The following HECW1 variants were observed in gnomAD, a reference collection of about 807,000 sequenced individuals.
HECW1 encodes E3 ubiquitin-protein ligase HECW1.
HECW1 carries 61 observed loss-of-function variants against 182.3 expected under a neutral mutation model. That is an observed-to-expected ratio of 0.33 (90% CI 0.27 to 0.41). HECW1 has a LOEUF of 0.41. Among genes scored for constraint, HECW1 ranks in the 10% least tolerant of loss-of-function variants. The probability of loss-of-function intolerance (pLI) is 1.00; values close to 1 mark genes in which losing one functional copy is unlikely to be tolerated. For synonymous variants in HECW1, 859 were observed against 832.6 expected (o/e 1.03, Z -0.55); for missense variants, 1,739 against 2,108.9 (o/e 0.82, Z 3.44).
intron 17 of HECW1, among the ~76,000 whole-genome samples, chr7:43,483,008 A>T (rs1285907233): frequency 1.3e-5 from 2 of 152,234 alleles, no homozygotes; most frequent in Non-Finnish European, 1.5e-5. Flanking sequence ...TACAGAGCAC[A>T]GCCTAAGCAA....
At chr7:43,493,213 G>A in intron 19 of HECW1, 33 bp downstream of exon 19, 1 of 1,431,068 alleles carries the variant, frequency 7.0e-7, no homozygotes, top group African/African-American at 1.4e-5. Flanking sequence ...TGGAACTCTA[G>A]GTCTTTCCAG....
chr7:43,550,565 G>A lies in HECW1; in HGVS notation c.4369G>A (p.Glu1457Lys), dbSNP rs779199336. 2.5e-6 allele frequency: 4 copies of A among 1,608,600 alleles called. No individual in the cohort carries two copies. The Admixed American group carries it at 5.1e-5, about 20-fold the overall frequency. ...GGAGCGCGGCGTGGTACAGCAGACC[G>A]AGGCGCTGGTGCGCGGCTTCTACGA... is the stretch of plus-strand genomic sequence containing the variant. ...RVERGVVQQT[E>K]ALVRGFYEVV... Residue 1457 changes from glutamate (E) to lysine (K), a missense_variant, in exon 27 of 30, where the codon GAG (glutamate) becomes AAG (lysine). Physicochemically the swap from Glu to Lys is moderately conservative, Grantham distance 56 (BLOSUM62 1). This residue lies in a region of HECW1 where 420 missense variants were observed against 595.7 expected (regional missense o/e 0.71). Coordinates refer to ENST00000395891, the MANE Select transcript of HECW1 (RefSeq NM_015052.5).
At chr7:43,232,284 C>A (rs1044137893) in intron 2 of HECW1, among the ~76,000 whole-genome samples, 2 of 152,124 alleles carry the variant, frequency 1.3e-5, no homozygotes, top group African/African-American at 4.8e-5. Context: ...ACTATAAGAA[C>A]CCTCCTTCAA....
At position 43,444,215 on chromosome 7, in the gene HECW1, C is replaced by A. The variant is rs1458771156; in HGVS notation, c.1046-3C>A. On this transcript the variant is annotated splice_polypyrimidine_tract_variant and splice_region_variant and intron_variant, in intron 10 of 29. Transcript: ENST00000395891. The surrounding 1 kb of genome is among the most constrained non-coding windows in gnomAD (Gnocchi z 4.3). The stretch of plus-strand genomic sequence containing the variant: ...AATGACATATTTTTCTTCTTACCAG[C>A]AGATGATGAGGAGATTTCCCTGAGT... 1.3e-6 allele frequency: 2 copies of A among 1,595,622 alleles called. No individual in the cohort carries two copies. Among genetic ancestry groups the A allele is most frequent in the South Asian group, 1.1e-5 (1 of 89,560 alleles).
chr7:43,149,755 C>G (rs1789097272), intron 2 of HECW1, among the ~76,000 whole-genome samples: 1 of 152,010 alleles, frequency 6.6e-6, no homozygotes, highest in Non-Finnish European at 1.5e-5. Context: ...ATATATTCTT[C>G]AAAATTTTTT....
chr7:43,295,799 C>A (rs187353109), intron 3 of HECW1, among the ~76,000 whole-genome samples: 1 of 152,176 alleles, frequency 6.6e-6, no homozygotes, highest in Non-Finnish European at 1.5e-5. Flanking sequence ...GGAGCTTTTT[C>A]ATTGTAAGCC....
At chr7:43,227,584 G>A (rs1439619014) in intron 2 of HECW1, among the ~76,000 whole-genome samples, 2 of 151,990 alleles carry the variant, frequency 1.3e-5, no homozygotes, top group Admixed American at 1.3e-4. Flanking sequence ...TACATTTTAT[G>A]TTAATTCATA....
At chr7:43,212,546 T>C (rs556175695) in intron 2 of HECW1, among the ~76,000 whole-genome samples, 14 of 152,154 alleles carry the variant, frequency 9.2e-5, no homozygotes, top group African/African-American at 3.1e-4. Context: ...TGCACACAAT[T>C]ACAGAAGGGA....
At chr7:43,341,543 A>T (rs1018488442) in intron 5 of HECW1, among the ~76,000 whole-genome samples, 14 of 151,774 alleles carry the variant, frequency 9.2e-5, no homozygotes, top group African/African-American at 3.4e-4. Flanking sequence ...TTTTTCATTC[A>T]CATAACCAGA....
chr7:43,190,258 C>T (rs1409312259), intron 2 of HECW1, among the ~76,000 whole-genome samples: 4 of 152,112 alleles, frequency 2.6e-5, no homozygotes, highest in African/African-American at 4.8e-5. Flanking sequence ...GGATTACAGG[C>T]GTGTACCACC....
intron 2 of HECW1, among the ~76,000 whole-genome samples, chr7:43,179,528 T>C (rs1328009304): frequency 6.6e-6 from 1 of 151,250 alleles, no homozygotes; most frequent in Non-Finnish European, 1.5e-5. Context: ...CCATTGGTTA[T>C]TTGGGAGAAT....
intron 2 of HECW1, among the ~76,000 whole-genome samples, chr7:43,115,403 A>C (rs1391993846): frequency 2.7e-5 from 4 of 149,112 alleles, no homozygotes; most frequent in African/African-American, 7.5e-5. Flanking sequence ...CCTTTTGTGG[A>C]GTTATTCATT....
intron 19 of HECW1, among the ~76,000 whole-genome samples, chr7:43,495,991 T>G (rs2079107092): frequency 6.6e-6 from 1 of 152,134 alleles, no homozygotes; most frequent in Admixed American, 6.6e-5. Flanking sequence ...AAAGGTTTTT[T>G]TTTAAGTAAT....
chr7:43,442,564 T>C lies in HECW1; in HGVS notation c.980T>C (p.Leu327Pro). 6.2e-7 allele frequency: 1 copy of C among 1,613,998 alleles called. No homozygotes were observed. The highest frequency in any genetic ancestry group is 8.5e-7 in the Non-Finnish European group (1 of 1,179,908). ...RVVSYTLGRR[L>P]PTDHVSGQLQ... ...GTCAGCTACACACTTGGCCGCAGGC[T>C]TCCAACAGATCATGTGAGTGGACAG... Residue 327 changes from leucine to proline, a missense_variant, in exon 10 of 30, where the codon CTT becomes CCT. Leu to Pro is a moderately conservative substitution (Grantham distance 98). Coordinates refer to ENST00000395891, the MANE Select transcript of HECW1 (RefSeq NM_015052.5).
At chr7:43,377,003 T>G (rs1458729015) in intron 6 of HECW1, among the ~76,000 whole-genome samples, 1 of 152,106 alleles carries the variant, frequency 6.6e-6, no homozygotes, top group African/African-American at 2.4e-5. Context: ...AAAAATAAAT[T>G]CTTACTTCCC....
At chr7:43,451,438 A>G (rs2077232475) in intron 12 of HECW1, among the ~76,000 whole-genome samples, 1 of 152,160 alleles carries the variant, frequency 6.6e-6, no homozygotes, top group African/African-American at 2.4e-5. Flanking sequence ...TGCAGTTCTT[A>G]GGGGTTGCCA....
intron 8 of HECW1, among the ~76,000 whole-genome samples, chr7:43,429,326 A>G (rs2076466961): frequency 1.6e-5 from 2 of 124,704 alleles, no homozygotes; most frequent in Admixed American, 8.2e-5. Context: ...ATATATATAT[A>G]TATATATATA....
chr7:43,467,337 G>T (rs2077821098), intron 15 of HECW1, among the ~76,000 whole-genome samples: 1 of 152,134 alleles, frequency 6.6e-6, no homozygotes, highest in East Asian at 1.9e-4. Flanking sequence ...AAAGTGGACA[G>T]GAAGAAGTCC....
At chr7:43,166,910 G>T (rs948028530) in intron 2 of HECW1, among the ~76,000 whole-genome samples, 1 of 152,198 alleles carries the variant, frequency 6.6e-6, no homozygotes, top group Non-Finnish European at 1.5e-5. Flanking sequence ...AACTGTGGCC[G>T]CATGTGGATG....
Sources: gnomAD v4.1 joint callset for allele counts (sites outside exome capture counted in the v4.1 genomes callset) on GRCh38, gnomAD v4.1.1 for gene constraint, gnomAD v4.1.1 regional missense constraint, Gnocchi (gnomAD v3.1) non-coding constraint, MANE v1.5 for transcripts, NCBI Gene and HGNC (gene_info 2026-07-23, HGNC 2026-07-21) for gene names.